Variants in FAM114A2 observed in about 807,000 individuals in gnomAD.
FAM114A2 encodes family with sequence similarity 114 member A2, also known as protein FAM114A2.
FAM114A2 carries 53 observed loss-of-function variants against 58.4 expected under a neutral mutation model. The ratio of observed to expected loss-of-function variants is 0.91; its 90% confidence interval spans 0.73 to 1.14. The LOEUF (loss-of-function observed/expected upper bound fraction) is 1.14. Among genes scored for constraint, FAM114A2 ranks in the 50% most tolerant of loss-of-function variants. The pLI, the probability that FAM114A2 is intolerant of heterozygous loss-of-function variation, is 0.00. For missense variants in FAM114A2, 601 were observed against 581.1 expected (o/e 1.03, Z -0.35); for synonymous variants, 228 against 211.4 (o/e 1.08, Z -0.68).
At chr5:154,028,013 T>TC (rs1771910658) in intron 6 of FAM114A2, 136 bp downstream of exon 6, 2 of 688,394 alleles carry the variant, frequency 2.9e-6, no homozygotes, top group Non-Finnish European at 4.8e-6. Flanking sequence ...CCATCCCTGA[T>TC]CCCCCCAAAA....
At chr5:154,001,724 G>A (rs928871818) in intron 11 of FAM114A2, among the ~76,000 whole-genome samples, 1 of 152,016 alleles carries the variant, frequency 6.6e-6, no homozygotes, top group Admixed American at 6.6e-5. Flanking sequence ...GCAATAAAAT[G>A]AGAAAAAAAG....
Position 153,999,957 on chromosome 5 carries a change from A to ATG in FAM114A2, c.1257-2083_1257-2082insCA, listed in dbSNP as rs1460548161. ...TGTATATATGTATGTGTGTGTATAT[A>ATG]TATGTGTGTGTATATATGTATATGT... On this transcript the variant is annotated intron_variant, in intron 11 of 13. Transcript: ENST00000351797. Among the ~76,000 whole-genome samples the ATG allele has an allele frequency of 1.2e-3, 186 of 151,930 alleles. 5 individuals are homozygous for ATG. The South Asian group carries it at 0.028, about 23-fold the overall frequency.
intron 8 of FAM114A2, among the ~76,000 whole-genome samples, chr5:154,014,323 C>T (rs1314957860): frequency 6.6e-6 from 1 of 152,170 alleles, no homozygotes; most frequent in Non-Finnish European, 1.5e-5. Flanking sequence ...TCAGGTCCCA[C>T]TTGGATGGAC....
At chr5:154,018,289 C>A (rs193293840) in intron 8 of FAM114A2, among the ~76,000 whole-genome samples, 1 of 152,054 alleles carries the variant, frequency 6.6e-6, no homozygotes, top group Non-Finnish European at 1.5e-5. Context: ...CACCTGTATG[C>A]GCATAAACTA....
Position 154,034,346 on chromosome 5 carries a change from C to A in FAM114A2, c.242G>T (p.Arg81Ile). ...DNVSKDVPQT[R>I]WGYWGSWGKS... ...GCCCCAGCTCCCCCAATAACCCCAT[C>A]TGGTCTGGGGTACATCTTTGGAAAC... The change falls in exon 3 of 14, where the codon AGA (arginine) becomes ATA (isoleucine). Residue 81 changes from arginine to isoleucine, a missense_variant. Physicochemically the swap from Arg to Ile is moderately conservative, Grantham distance 97. Transcript: ENST00000351797. 6.3e-7 allele frequency: 1 copy of A among 1,598,964 alleles called. No homozygotes were observed. Among genetic ancestry groups the A allele is most frequent in the East Asian group, 2.2e-5 (1 of 44,492 alleles).
intron 9 of FAM114A2, among the ~76,000 whole-genome samples, chr5:154,004,305 T>C (rs1261637874): frequency 6.6e-6 from 1 of 152,200 alleles, no homozygotes; most frequent in Non-Finnish European, 1.5e-5. Context: ...TTTTATATAT[T>C]GATCCTAACT....
At chr5:154,015,298 C>T (rs1190675281) in intron 8 of FAM114A2, among the ~76,000 whole-genome samples, 1 of 152,176 alleles carries the variant, frequency 6.6e-6, no homozygotes, top group East Asian at 1.9e-4. Flanking sequence ...GAAAGTGCCA[C>T]CTCCTGGCAG....
rs916579006 is a variant in FAM114A2 at position 154,002,842 on chromosome 5, G to A, written c.1116+5C>T. 8 of 1,613,870 alleles carry A rather than the reference G, an allele frequency of 5.0e-6. No individual in the cohort carries two copies. Among genetic ancestry groups the A allele is most frequent in the Non-Finnish European group, 6.8e-6 (8 of 1,179,882 alleles). ...AAACAAAAAAGGCTTAGTTGCTTTGGCTACCTCTATTGAATTTTTGTTGAC... is the reference window on the plus strand; with the variant it reads ...AAACAAAAAAGGCTTAGTTGCTTTGACTACCTCTATTGAATTTTTGTTGAC... On this transcript the variant is annotated splice_donor_5th_base_variant and intron_variant, in intron 10 of 13. Coordinates refer to ENST00000351797, the MANE Select transcript of FAM114A2 (RefSeq NM_018691.4).
At chr5:153,998,403 A>G (rs1221431475) in intron 11 of FAM114A2, among the ~76,000 whole-genome samples, 1 of 152,198 alleles carries the variant, frequency 6.6e-6, no homozygotes, top group Non-Finnish European at 1.5e-5. Context: ...CAGTATTAGG[A>G]GGTGGGACCA....
intron 8 of FAM114A2, among the ~76,000 whole-genome samples, chr5:154,025,888 C>A (rs760861183): frequency 3.2e-4 from 48 of 152,100 alleles, no homozygotes; most frequent in Middle Eastern, 3.4e-3. Context: ...TTTACATTTT[C>A]TGAGAAATGA....
intron 8 of FAM114A2, among the ~76,000 whole-genome samples, chr5:154,025,194 C>T (rs182161748): frequency 6.6e-6 from 1 of 152,158 alleles, no homozygotes; most frequent in African/African-American, 2.4e-5. Flanking sequence ...GTAGGCATCA[C>T]ACAGAATATT....
chr5:153,993,940 C>A (rs1769404182), intron 13 of FAM114A2, among the ~76,000 whole-genome samples: 2 of 152,146 alleles, frequency 1.3e-5, no homozygotes, highest in South Asian at 4.1e-4. Flanking sequence ...CTAGTTAAAT[C>A]TCTTATGTTG....
chr5:154,014,395 C>T (rs1334223297), intron 8 of FAM114A2, among the ~76,000 whole-genome samples: 2 of 152,144 alleles, frequency 1.3e-5, no homozygotes, highest in Non-Finnish European at 2.9e-5. Flanking sequence ...AGGAATATAT[C>T]AGGAAGGCCA....
In FAM114A2 at chr5:154,035,759, T is replaced by A. The variant is rs59548645; in HGVS notation, c.-14-792A>T. Among the ~76,000 whole-genome samples the A allele has an allele frequency of 6.4e-3, 979 of 152,328 alleles. 37 individuals carry two copies. In the East Asian group the frequency reaches 0.12, roughly 18 times the overall value. On this transcript the variant is annotated intron_variant, in intron 1 of 13. Coordinates refer to ENST00000351797, the MANE Select transcript of FAM114A2 (RefSeq NM_018691.4). ...GTTCATGTTTAGTTTTATGAGAAAC[T>A]GCCATACTCTTTTCCAGACTAGCTA...
chr5:154,034,563 T>C (rs1002297138), intron 2 of FAM114A2, among the ~76,000 whole-genome samples, 181 bp downstream of exon 2: 1 of 152,168 alleles, frequency 6.6e-6, no homozygotes, highest in South Asian at 2.1e-4. Flanking sequence ...AAGTACCACA[T>C]AGCAAAAGCA....
intron 9 of FAM114A2, among the ~76,000 whole-genome samples, chr5:154,004,140 G>A (rs141675484): frequency 7.2e-5 from 11 of 152,288 alleles, no homozygotes; most frequent in African/African-American, 2.6e-4. Context: ...TAATGATGCA[G>A]TTCTCATAAC....
At chr5:154,000,513 G>T (rs909098509) in intron 11 of FAM114A2, among the ~76,000 whole-genome samples, 4 of 151,972 alleles carry the variant, frequency 2.6e-5, no homozygotes, top group African/African-American at 4.8e-5. Flanking sequence ...GACGGAAAAG[G>T]CATTAAATTT....
At chr5:153,998,357 T>C (rs796577193) in intron 11 of FAM114A2, among the ~76,000 whole-genome samples, 24 of 152,232 alleles carry the variant, frequency 1.6e-4, no homozygotes, top group Admixed American at 1.6e-3. Flanking sequence ...ATATGTCCCC[T>C]CTAAAATTCA....
intron 6 of FAM114A2, among the ~76,000 whole-genome samples, chr5:154,027,893 A>G (rs1456779050): frequency 1.3e-5 from 2 of 152,114 alleles, no homozygotes; most frequent in African/African-American, 4.8e-5. Flanking sequence ...AAACAAACAA[A>G]CAAAAAACCC....
Sources: allele counts gnomAD v4.1 joint callset (sites outside exome capture counted in the v4.1 genomes callset), GRCh38; gene constraint gnomAD v4.1.1; transcripts MANE v1.5; gene names NCBI Gene and HGNC (gene_info 2026-07-23, HGNC 2026-07-21).